DGKG: variants seen among roughly 807,000 people sequenced by gnomAD.
DGKG encodes DAG kinase gamma.
DGKG carries 78 observed loss-of-function variants against 105.3 expected under a neutral mutation model. The observed-to-expected ratio is 0.74, with a 90% CI of 0.62 to 0.89. DGKG has a LOEUF of 0.89. Ranked by LOEUF, DGKG falls within the 40% of genes least tolerant of loss-of-function variation. The pLI, the probability that DGKG is intolerant of heterozygous loss-of-function variation, is 0.00. For missense variants in DGKG, 958 were observed against 1,020.1 expected, an observed-to-expected ratio of 0.94 and a Z score of 0.83; for synonymous variants, 346 against 367.1, an observed-to-expected ratio of 0.94 and a Z score of 0.66.
intron 20 of DGKG, among the ~76,000 whole-genome samples, chr3:186,230,230 C>T (rs1160097833): frequency 6.6e-6 from 1 of 152,204 alleles, no homozygotes; most frequent in Non-Finnish European, 1.5e-5. Context: ...TGCACTCCAG[C>T]CTGGGCAACA....
chr3:186,216,371 T>C (rs1719294331), intron 20 of DGKG, among the ~76,000 whole-genome samples: 1 of 152,118 alleles, frequency 6.6e-6, no homozygotes, highest in Non-Finnish European at 1.5e-5. Context: ...CTTTTAGATA[T>C]GTTCAAAATG....
intron 20 of DGKG, among the ~76,000 whole-genome samples, chr3:186,223,938 G>T (rs1719724682): frequency 6.6e-6 from 1 of 152,098 alleles, no homozygotes; most frequent in Non-Finnish European, 1.5e-5. Context: ...CATTCAGTTT[G>T]CCCCTCTCAC....
chr3:186,209,225 G>A (rs1012850688), intron 21 of DGKG, among the ~76,000 whole-genome samples: 3 of 150,702 alleles, frequency 2.0e-5, no homozygotes, highest in African/African-American at 4.9e-5. Context: ...CTCAGCCTCC[G>A]GAGTAGCTGG....
rs901833966 is a variant in DGKG at position 186,164,948 on chromosome 3, G to T, written c.2166C>A (p.Gly722=). The change falls in exon 23 of 25, where the codon GGC becomes GGA. Residue 722 remains glycine (G), a synonymous_variant. Transcript: ENST00000265022. ...CCAGCCTCCTGCCTGCACTCTTCAG[G>T]CCGGTGTAGATCTGCCCCATCTCCA... ...GAMEMGQIYT[G]LKSAGRRLAQ... The T allele has an allele frequency of 1.2e-6, 2 of 1,613,862 alleles. No homozygotes were observed. Among genetic ancestry groups the T allele is most frequent in the African/African-American group, 2.7e-5 (2 of 74,906 alleles).
At chr3:186,169,086 C>T (rs1377921409) in intron 22 of DGKG, among the ~76,000 whole-genome samples, 1 of 152,152 alleles carries the variant, frequency 6.6e-6, no homozygotes, top group Admixed American at 6.5e-5. Context: ...AACAGGAAAT[C>T]TCCCTACCCC....
intron 2 of DGKG, among the ~76,000 whole-genome samples, chr3:186,313,030 AG>A (rs1206094929): frequency 3.9e-5 from 6 of 152,276 alleles, no homozygotes; most frequent in Admixed American, 3.9e-4. Context: ...AGGCTAGCAA[AG>A]GGATTGAGCT....
intron 20 of DGKG, among the ~76,000 whole-genome samples, chr3:186,220,179 G>T (rs970935460): frequency 6.6e-6 from 1 of 152,140 alleles, no homozygotes; most frequent in Non-Finnish European, 1.5e-5. Flanking sequence ...AATCAAAATG[G>T]GGAAACAAAT....
chr3:186,354,460 T>C lies in DGKG; in HGVS notation c.-249+7486A>G, dbSNP rs1156893280. ...TTTATTCCCAAGGCGAGAAGAAAACTTCCAACGCAAAACACACAGAAAGGA... is the reference window on the plus strand; with the variant it reads ...TTTATTCCCAAGGCGAGAAGAAAACCTCCAACGCAAAACACACAGAAAGGA... On this transcript the variant is annotated intron_variant, in intron 1 of 24. Transcript: ENST00000265022. Among the ~76,000 whole-genome samples the C allele has an allele frequency of 3.9e-5, 6 of 152,314 alleles. No homozygotes were observed. The East Asian group carries it at 1.2e-3, about 29-fold the overall frequency.
Position 186,297,437 on chromosome 3 carries a change from G to T in DGKG, c.357C>A (p.Ala119=). 2 of 1,612,710 alleles carry T rather than the reference G, an allele frequency of 1.2e-6. No homozygotes were observed. The highest frequency in any genetic ancestry group is 3.3e-5 in the Admixed American group (2 of 60,030). Reference sequence around the variant, plus strand: ...AAGACTTACCAGTATCAGGGGCACAGGCCTCGTCTGCTTTGGTGGCATTAT... The same window carrying T: ...AAGACTTACCAGTATCAGGGGCACATGCCTCGTCTGCTTTGGTGGCATTAT... The part of the protein sequence containing the change: ...NADNATKADE[A]CAPDTESNMA... The change falls in exon 5 of 25, where the codon GCC becomes GCA. Residue 119 remains alanine, a synonymous_variant. Transcript: ENST00000265022.
chr3:186,329,626 A>C (rs1160964598), intron 1 of DGKG, among the ~76,000 whole-genome samples: 1 of 152,240 alleles, frequency 6.6e-6, no homozygotes, highest in African/African-American at 2.4e-5. Context: ...AAAGACTAAA[A>C]GCTACAAAGA....
At chr3:186,160,955 T>C in intron 24 of DGKG, 1 of 985,420 alleles carries the variant, frequency 1.0e-6, no homozygotes, top group Non-Finnish European at 1.2e-6. Context: ...ATTCATCATT[T>C]GACATGTATT....
chr3:186,295,343 A>G (rs1723497643), intron 5 of DGKG, among the ~76,000 whole-genome samples: 1 of 152,048 alleles, frequency 6.6e-6, no homozygotes, highest in African/African-American at 2.4e-5. Flanking sequence ...TCTACTAAAA[A>G]TACCAAGAAT....
intron 13 of DGKG, among the ~76,000 whole-genome samples, chr3:186,265,657 C>CCTTT (rs1219378962): frequency 2.5e-4 from 19 of 77,392 alleles, no homozygotes; most frequent in South Asian, 1.7e-3. Context: ...TTCTTCCTTT[C>CCTTT]TTTTTTTTTT....
chr3:186,263,166 C>A (rs1347600397), intron 14 of DGKG, among the ~76,000 whole-genome samples: 45 of 96,464 alleles, frequency 4.7e-4, no homozygotes, highest in Admixed American at 3.0e-3. Flanking sequence ...AAACAAAAAA[C>A]ACCACCACCA....
chr3:186,212,878 T>C (rs1220292505), intron 20 of DGKG, among the ~76,000 whole-genome samples: 2 of 152,230 alleles, frequency 1.3e-5, no homozygotes, highest in African/African-American at 4.8e-5. Flanking sequence ...GAAGAGAGGA[T>C]GCCACCTTGC....
At chr3:186,166,386 A>C (rs917648829) in intron 22 of DGKG, among the ~76,000 whole-genome samples, 1 of 152,228 alleles carries the variant, frequency 6.6e-6, no homozygotes, top group Non-Finnish European at 1.5e-5. Flanking sequence ...TTGTGAAAAG[A>C]TACTGTCTCC....
At chr3:186,293,382 G>A (rs910129278) in intron 5 of DGKG, among the ~76,000 whole-genome samples, 1 of 151,978 alleles carries the variant, frequency 6.6e-6, no homozygotes, top group Non-Finnish European at 1.5e-5. Flanking sequence ...TTATAATTTG[G>A]AAAAACTAAC....
In DGKG at chr3:186,148,959, T is replaced by A. The variant is rs1288161096; in HGVS notation, c.*1131A>T. On this transcript the variant is annotated 3_prime_UTR_variant, in exon 25 of 25. Transcript: ENST00000265022. ...GAAAAGTCCATCAGTAAATAAATAT[T>A]TATATATATATATATATAAATATAT... The A allele has an allele frequency of 1.3e-4, 83 of 625,540 alleles. No individual in the cohort carries two copies. The Middle Eastern group carries it at 3.7e-3, about 28-fold the overall frequency. 38.7% of individuals were successfully genotyped at this position (625,540 alleles called of 1,614,324 possible).
At chr3:186,270,587 GC>G (rs1722269432) in intron 11 of DGKG, among the ~76,000 whole-genome samples, 2 of 152,224 alleles carry the variant, frequency 1.3e-5, no homozygotes, top group Non-Finnish European at 2.9e-5. Flanking sequence ...AACTCAGTTT[GC>G]CAATTAATCT....
Sources: allele counts gnomAD v4.1 joint callset (sites outside exome capture counted in the v4.1 genomes callset), GRCh38; gene constraint gnomAD v4.1.1; transcripts MANE v1.5; gene names NCBI Gene and HGNC (gene_info 2026-07-23, HGNC 2026-07-21).